PTPRN2: variants seen among roughly 807,000 people sequenced by gnomAD.
PTPRN2 encodes protein tyrosine phosphatase receptor type N2.
PTPRN2 carries 74 observed loss-of-function variants against 118.8 expected under a neutral mutation model. That is an observed-to-expected ratio of 0.62 (90% CI 0.52 to 0.76). The LOEUF is 0.76. PTPRN2 is among the 30% of genes least tolerant of loss of function. The probability of loss-of-function intolerance (pLI) is 0.00; values close to 1 mark genes in which losing one functional copy is unlikely to be tolerated. For synonymous variants in PTPRN2, 641 were observed against 608.0 expected (o/e 1.05, Z -0.80); for missense variants, 1,481 against 1,394.4 (o/e 1.06, Z -0.99).
intron 6 of PTPRN2, among the ~76,000 whole-genome samples, chr7:158,143,030 G>C (rs895313442): frequency 2.0e-5 from 3 of 152,026 alleles, no homozygotes; most frequent in African/African-American, 7.2e-5. Context: ...ACCGAGCCAC[G>C]AGCCCAGAGC....
chr7:158,412,545 T>C (rs1487711212), intron 2 of PTPRN2, among the ~76,000 whole-genome samples: 7 of 63,224 alleles, frequency 1.1e-4, no homozygotes, highest in African/African-American at 2.1e-4. Flanking sequence ...AGGGCCCATC[T>C]CAGCACCCTC....
At chr7:158,145,889 C>T (rs769847607) in intron 6 of PTPRN2, among the ~76,000 whole-genome samples, 8 of 152,214 alleles carry the variant, frequency 5.3e-5, no homozygotes, top group African/African-American at 9.7e-5. Flanking sequence ...GGCCCCAGCG[C>T]TCATGGTCTG....
chr7:157,657,453 C>G (rs1218004926), intron 13 of PTPRN2, among the ~76,000 whole-genome samples: 9 of 117,472 alleles, frequency 7.7e-5, no homozygotes, highest in Non-Finnish European at 1.4e-4. Flanking sequence ...ACACACATCA[C>G]ACATATACAC....
At chr7:157,558,167 T>G (rs943365806) in intron 21 of PTPRN2, among the ~76,000 whole-genome samples, 1 of 151,704 alleles carries the variant, frequency 6.6e-6, no homozygotes, top group Non-Finnish European at 1.5e-5. Context: ...CACGTGCACA[T>G]TGGTGCGACG....
chr7:158,204,465 G>T (rs946135715), intron 4 of PTPRN2, among the ~76,000 whole-genome samples: 3 of 152,198 alleles, frequency 2.0e-5, no homozygotes, highest in African/African-American at 7.2e-5. Context: ...TAAAGACTAT[G>T]ACTCTAGAAT....
chr7:157,749,198 GGGTGATT>G (rs1801265743), intron 12 of PTPRN2, among the ~76,000 whole-genome samples: 3 of 64,736 alleles, frequency 4.6e-5, no homozygotes. Context: ...TGGGCTGTCC[GGGTGATT>G]CTGAGGCCTG....
intron 2 of PTPRN2, among the ~76,000 whole-genome samples, chr7:158,476,571 G>C (rs1214618487): frequency 6.6e-6 from 1 of 152,220 alleles, no homozygotes; most frequent in Non-Finnish European, 1.5e-5. Flanking sequence ...AGGAGAGAGA[G>C]GGGCCCCAGC....
At chr7:157,686,259 C>A (rs1020794288) in intron 12 of PTPRN2, among the ~76,000 whole-genome samples, 2 of 152,220 alleles carry the variant, frequency 1.3e-5, no homozygotes, top group African/African-American at 2.4e-5. Context: ...AGGACGGTTT[C>A]AAGTGTCCCA....
In PTPRN2 at chr7:158,188,217, ATGGGGAAGGCCGCCACG is replaced by A. The variant is rs1563576525; in HGVS notation, c.549+4093_549+4109del. ...GGAAGGCCGCCACGCTCGCCGCCTG[ATGGGGAAGGCCGCCACG>A]CTTGCCCCGCGATGGGGAAGGCCGC... On this transcript the variant is annotated intron_variant, in intron 5 of 22. Coordinates refer to ENST00000389418, the MANE Select transcript of PTPRN2 (RefSeq NM_002847.5). Among the ~76,000 whole-genome samples, 41 of 27,650 alleles carry A rather than the reference ATGGGGAAGGCCGCCACG, an allele frequency of 1.5e-3. 3 individuals carry two copies. Among genetic ancestry groups the A allele is most frequent in the East Asian group, 5.1e-3 (3 of 592 alleles). 18.1% of individuals were successfully genotyped at this position (27,650 alleles called of 152,430 possible). A position where few individuals can be genotyped will look rare whatever the true frequency, so the allele number is the denominator to read the frequency against.
At chr7:158,247,082 C>T (rs74887786) in intron 3 of PTPRN2, among the ~76,000 whole-genome samples, 4 of 152,198 alleles carry the variant, frequency 2.6e-5, no homozygotes, top group Non-Finnish European at 1.5e-5. Flanking sequence ...GAAACCATCC[C>T]TGGCACGGGC....
intron 14 of PTPRN2, among the ~76,000 whole-genome samples, chr7:157,621,962 G>C (rs1243334881): frequency 6.6e-6 from 1 of 152,010 alleles, no homozygotes; most frequent in African/African-American, 2.4e-5. Flanking sequence ...CAAAATGCGG[G>C]ACAGCTTCTA....
At chr7:158,113,801 G>A (rs1475539847) in intron 9 of PTPRN2, among the ~76,000 whole-genome samples, 6 of 152,198 alleles carry the variant, frequency 3.9e-5, no homozygotes, top group African/African-American at 2.4e-5. Flanking sequence ...GTGGCCACCA[G>A]GGACACAGCC....
chr7:158,060,864 C>T (rs1335424363), intron 11 of PTPRN2, among the ~76,000 whole-genome samples: 3 of 152,232 alleles, frequency 2.0e-5, no homozygotes, highest in Non-Finnish European at 4.4e-5. Flanking sequence ...AAGGACCTTT[C>T]AAGGCTTTTT....
At chr7:157,570,907 G>A (rs1207738770) in intron 20 of PTPRN2, among the ~76,000 whole-genome samples, 3 of 152,160 alleles carry the variant, frequency 2.0e-5, no homozygotes, top group Admixed American at 6.5e-5. Context: ...ACATGCTCAC[G>A]GGTGAGTAGA....
chr7:157,888,545 C>T (rs1362862268), intron 12 of PTPRN2, among the ~76,000 whole-genome samples: 7 of 149,758 alleles, frequency 4.7e-5, no homozygotes, highest in Non-Finnish European at 1.0e-4. Context: ...GCCCATCCTG[C>T]GCCCCCCCAC....
At chr7:158,035,880 A>G (rs149468564) in intron 11 of PTPRN2, among the ~76,000 whole-genome samples, 236 of 152,374 alleles carry the variant, frequency 1.5e-3, no homozygotes, top group African/African-American at 5.5e-3. Flanking sequence ...ATAAAAAATT[A>G]TAAACCACGT....
chr7:158,185,329 T>C (rs1825049064), intron 5 of PTPRN2, among the ~76,000 whole-genome samples: 1 of 152,148 alleles, frequency 6.6e-6, no homozygotes. Flanking sequence ...TGTTTAGCAG[T>C]TTTTAGGTGT....
intron 11 of PTPRN2, among the ~76,000 whole-genome samples, chr7:158,037,246 A>C (rs1808147167): frequency 6.6e-6 from 1 of 152,266 alleles, no homozygotes; most frequent in Admixed American, 6.5e-5. Flanking sequence ...CACTCAGCGA[A>C]GACACATGCC....
chr7:157,823,950 G>T (rs539391780), intron 12 of PTPRN2, among the ~76,000 whole-genome samples: 9 of 152,338 alleles, frequency 5.9e-5, no homozygotes, highest in African/African-American at 1.7e-4. Context: ...GACAGACAGA[G>T]AAATTAGAAG....
Sources: allele counts gnomAD v4.1 joint callset (sites outside exome capture counted in the v4.1 genomes callset), GRCh38; gene constraint gnomAD v4.1.1; transcripts MANE v1.5; gene names NCBI Gene and HGNC (gene_info 2026-07-23, HGNC 2026-07-21).